Variants in MYZAP observed in about 807,000 individuals in gnomAD.
MYZAP encodes myocardial zonula adherens protein, also known as GRINL1A complex locus upstream.
Under a neutral mutation model 69.4 loss-of-function variants are expected in MYZAP, and 66 were observed. The ratio of observed to expected loss-of-function variants is 0.95; its 90% CI spans 0.78 to 1.17. The LOEUF is 1.17. Among genes scored for constraint, MYZAP ranks in the 50% most tolerant of loss-of-function variants. MYZAP has a pLI of 0.00. For missense variants in MYZAP, 611 were observed against 556.2 expected (o/e 1.10, Z -0.99); for synonymous variants, 256 against 205.9 (o/e 1.24, Z -2.09).
chr15:57,626,561 C>T (rs775397956), intron 5 of MYZAP, among the ~76,000 whole-genome samples: 4 of 152,158 alleles, frequency 2.6e-5, no homozygotes, highest in Admixed American at 2.6e-4. Flanking sequence ...TGAAAATGTT[C>T]AAAGCAAAGC....
intron 1 of MYZAP, among the ~76,000 whole-genome samples, chr15:57,593,152 G>T (rs1228467022): frequency 8.7e-6 from 1 of 115,402 alleles, no homozygotes; most frequent in Non-Finnish European, 1.9e-5. Flanking sequence ...GTGTGTGTGC[G>T]TGCACTCACC....
intron 10 of MYZAP, chr15:57,647,410 G>A (rs186110951): frequency 1.4e-5 from 14 of 985,376 alleles, no homozygotes; most frequent in East Asian, 2.3e-4. Context: ...TTTTAGGGAC[G>A]CCTTTATTGC....
chr15:57,611,480 C>G (rs73422852), intron 2 of MYZAP, among the ~76,000 whole-genome samples: 2,747 of 152,134 alleles, frequency 0.018, 80 homozygotes, highest in African/African-American at 0.059. Context: ...GTTATTAGGC[C>G]TAAGCAACTA....
chr15:57,673,463 CGTGTGTGTGTGTGTGT>C (rs3051249), intron 11 of MYZAP, among the ~76,000 whole-genome samples: 109 of 102,660 alleles, frequency 1.1e-3, no homozygotes, highest in Middle Eastern at 5.7e-3. Context: ...TGCGTGCATG[CGTGTGTGTGTGTGTGT>C]GTGTGTGTGT....
At chr15:57,621,022 A>G (rs1240995888) in intron 3 of MYZAP, among the ~76,000 whole-genome samples, 1 of 148,044 alleles carries the variant, frequency 6.8e-6, no homozygotes, top group East Asian at 1.9e-4. Flanking sequence ...GATATATTCT[A>G]TATTAATATA....
At chr15:57,678,448 CTATTAA>C (rs1462993516) in intron 12 of MYZAP, among the ~76,000 whole-genome samples, 4 of 152,094 alleles carry the variant, frequency 2.6e-5, no homozygotes, top group African/African-American at 4.8e-5. Context: ...ATAGCTATTA[CTATTAA>C]TATTAACTAA....
chr15:57,652,993 ATC>A (rs1284517639), intron 10 of MYZAP, among the ~76,000 whole-genome samples: 1 of 152,190 alleles, frequency 6.6e-6, no homozygotes, highest in Non-Finnish European at 1.5e-5. Flanking sequence ...GCAGTTATAC[ATC>A]TTTGATAACA....
intron 8 of MYZAP, among the ~76,000 whole-genome samples, chr15:57,634,754 G>T (rs1172148647): frequency 6.6e-6 from 1 of 152,194 alleles, no homozygotes; most frequent in African/African-American, 2.4e-5. Context: ...ACTTGGGAGA[G>T]ACTTGGGCAA....
chr15:57,626,949 C>T (rs1421123079), intron 5 of MYZAP, among the ~76,000 whole-genome samples: 1 of 152,186 alleles, frequency 6.6e-6, no homozygotes. Flanking sequence ...TTTCCCCTGG[C>T]CTCAGGCCAA....
At chr15:57,651,041 C>A (rs895735561) in intron 10 of MYZAP, among the ~76,000 whole-genome samples, 2 of 152,182 alleles carry the variant, frequency 1.3e-5, no homozygotes, top group South Asian at 2.1e-4. Flanking sequence ...CAGATATGAG[C>A]TCCAGAGTGG....
intron 11 of MYZAP, among the ~76,000 whole-genome samples, chr15:57,673,564 G>C (rs2038979261): frequency 6.6e-6 from 1 of 151,074 alleles, no homozygotes. Context: ...GGGATGAGGT[G>C]ATAGATTCAG....
chr15:57,684,278 T>C, intron 12 of MYZAP, 124 bp from the exon 13 acceptor site: 1 of 666,908 alleles, frequency 1.5e-6, no homozygotes, highest in Non-Finnish European at 2.6e-6. Context: ...AATATTAAGC[T>C]GCATTATTGT....
intron 8 of MYZAP, among the ~76,000 whole-genome samples, chr15:57,634,072 G>A (rs2036669471): frequency 6.6e-6 from 1 of 152,186 alleles, no homozygotes; most frequent in South Asian, 2.1e-4. Flanking sequence ...CATCAACACA[G>A]CAGCCCTGTT....
At chr15:57,674,176 A>T (rs2039007402) in intron 11 of MYZAP, among the ~76,000 whole-genome samples, 1 of 152,112 alleles carries the variant, frequency 6.6e-6, no homozygotes, top group Admixed American at 6.6e-5. Context: ...GATTTCAGGC[A>T]CCAGCACTTC....
At chr15:57,655,311 G>A (rs1355211241) in intron 10 of MYZAP, among the ~76,000 whole-genome samples, 1 of 152,186 alleles carries the variant, frequency 6.6e-6, no homozygotes, top group African/African-American at 2.4e-5. Flanking sequence ...GTGCTGAGAG[G>A]ATGGAGTGTC....
In MYZAP at chr15:57,673,469, T is replaced by C. The variant is rs1270871511; in HGVS notation, c.1204-1499T>C. ...GTGTGCGCATGCGTGCATGCGTGTGTGTGTGTGTGTGTGTGTGTGTGTGTG... is the reference window on the plus strand; with the variant it reads ...GTGTGCGCATGCGTGCATGCGTGTGCGTGTGTGTGTGTGTGTGTGTGTGTG... On this transcript the variant is annotated intron_variant, in intron 11 of 12. Coordinates refer to ENST00000267853, the MANE Select transcript of MYZAP (RefSeq NM_001018100.5). Among the ~76,000 whole-genome samples, 34 of 94,776 alleles carry C rather than the reference T, an allele frequency of 3.6e-4. No individual in the cohort carries two copies. The South Asian group carries it at 3.6e-3, about 10-fold the overall frequency. 62.2% of individuals were successfully genotyped at this position (94,776 alleles called of 152,430 possible). A position where few individuals can be genotyped will look rare whatever the true frequency, so the allele number is the denominator to read the frequency against.
rs775491208 is a variant in MYZAP at position 57,592,088 on chromosome 15, G to A, written c.54G>A (p.Thr18=). ...TGCTCTCGGGCGGCGCCGCCAGGAC[G>A]CCCGGGGCGCCCAGCAGGAGGGTGA... The part of the protein sequence containing the change: ...VTLLSGGAAR[T]PGAPSRRANV... The change falls in exon 1 of 13, where the codon ACG becomes ACA. Residue 18 remains threonine (T), a synonymous_variant. Transcript: ENST00000267853. The A allele has an allele frequency of 7.3e-7, 1 of 1,372,002 alleles. No individual in the cohort carries two copies. The highest frequency in any genetic ancestry group is 1.7e-5 in the South Asian group (1 of 59,962). 85.0% of individuals were successfully genotyped at this position (1,372,002 alleles called of 1,614,324 possible).
chr15:57,657,321 T>G (rs1447656158), intron 10 of MYZAP, among the ~76,000 whole-genome samples: 1 of 152,186 alleles, frequency 6.6e-6, no homozygotes, highest in Non-Finnish European at 1.5e-5. Context: ...TTAACAATCT[T>G]AATACTATAA....
intron 11 of MYZAP, among the ~76,000 whole-genome samples, chr15:57,666,847 A>T (rs563358226): frequency 6.6e-6 from 1 of 152,334 alleles, no homozygotes; most frequent in African/African-American, 2.4e-5. Context: ...AATCTTCCTG[A>T]TAACAAAAAT....
Sources: allele counts gnomAD v4.1 joint callset (sites outside exome capture counted in the v4.1 genomes callset), GRCh38; gene constraint gnomAD v4.1.1; transcripts MANE v1.5; gene names NCBI Gene and HGNC (gene_info 2026-07-23, HGNC 2026-07-21).